The following RFC1 variants were observed in gnomAD, a reference collection of about 807,000 sequenced individuals.
RFC1 encodes A1 140 kDa subunit.
Under a neutral mutation model 137.4 loss-of-function variants are expected in RFC1, and 37 were observed. That is an observed-to-expected ratio of 0.27 (90% CI 0.21 to 0.35). RFC1 has a LOEUF of 0.35. Ranked by LOEUF, RFC1 falls within the 10% of genes least tolerant of loss-of-function variation. The probability of loss-of-function intolerance (pLI) is 1.00; values close to 1 mark genes in which losing one functional copy is unlikely to be tolerated. For missense variants in RFC1, 1,205 were observed against 1,358.5 expected (o/e 0.89, Z 1.78); for synonymous variants, 429 against 455.7 (o/e 0.94, Z 0.75).
At chr4:39,302,451 A>G in intron 18 of RFC1, 49 bp downstream of exon 18, 2 of 1,511,138 alleles carry the variant, frequency 1.3e-6, no homozygotes, top group Non-Finnish European at 1.8e-6. Context: ...GGTTGAAAGC[A>G]TTAGTTAAAA....
chr4:39,316,978 T>C lies in RFC1; in HGVS notation c.1140A>G (p.Gln380=). 1 of 1,614,140 alleles carries C rather than the reference T, an allele frequency of 6.2e-7. No homozygotes were observed. Among genetic ancestry groups the C allele is most frequent in the Non-Finnish European group, 8.5e-7 (1 of 1,179,988 alleles). ...EDSEKKRTNY[Q]AYRSYLNREG... ...CTCGATTTAAGTAGCTTCGATAAGC[T>C]TGATAATTAGTGCGTTTCTTTTCAG... Residue 380 remains glutamine (Q), a synonymous_variant, in exon 10 of 25, where the codon CAA becomes CAG. Transcript: ENST00000349703.
rs568046224 is a variant in RFC1, at chr4:39,299,552, GCAGTGAGCCAAGATCACGC to G, written c.2808+450_2808+468del. On this transcript the variant is annotated intron_variant, in intron 21 of 24. Coordinates refer to ENST00000349703, the MANE Select transcript of RFC1 (RefSeq NM_002913.5). Reference sequence around the variant, plus strand: ...GGCATGAACCCAGGAGGCGGAGCTTGCAGTGAGCCAAGATCACGCCACGGCACTCCAGCCTGGGCAACAC... The same window carrying G: ...GGCATGAACCCAGGAGGCGGAGCTTGCACGGCACTCCAGCCTGGGCAACAC... 5.4e-4 allele frequency among the ~76,000 whole-genome samples: 79 copies of G among 146,468 alleles called. No homozygotes were observed. In the South Asian group the frequency reaches 6.5e-3, roughly 12 times the overall value.
At chr4:39,349,486 A>G (rs1209739964) in intron 2 of RFC1, among the ~76,000 whole-genome samples, 1 of 152,150 alleles carries the variant, frequency 6.6e-6, no homozygotes, top group African/African-American at 2.4e-5. Context: ...CTCCACCCAT[A>G]TGCACTAAGA....
intron 4 of RFC1, among the ~76,000 whole-genome samples, chr4:39,328,616 T>C (rs1460499222): frequency 6.6e-6 from 1 of 152,142 alleles, no homozygotes; most frequent in African/African-American, 2.4e-5. Flanking sequence ...GAGTTCAATG[T>C]GGCTGCAGCA....
intron 7 of RFC1, chr4:39,321,611 C>T (rs774640642): frequency 2.4e-6 from 1 of 411,186 alleles, no homozygotes; most frequent in East Asian, 4.2e-5. Flanking sequence ...TAAAAATTAT[C>T]TCTCTTCATC....
chr4:39,344,083 C>T lies in RFC1; in HGVS notation c.208+1318G>A, dbSNP rs182374367. ...GACCCAAGATCATGCCATTGCACTC[C>T]AGCCTGGGTGACAGAGCAAAATTCC... On this transcript the variant is annotated intron_variant, in intron 3 of 24. Transcript: ENST00000349703. Among the ~76,000 whole-genome samples, 229 of 151,044 alleles carry T rather than the reference C, an allele frequency of 1.5e-3. 1 individual carries two copies. Among genetic ancestry groups the T allele is most frequent in the African/African-American group, 5.4e-3 (223 of 41,110 alleles).
chr4:39,330,474 CCCCT>C (rs1578144523), intron 4 of RFC1, among the ~76,000 whole-genome samples: 1 of 152,078 alleles, frequency 6.6e-6, no homozygotes, highest in Admixed American at 6.5e-5. Flanking sequence ...TTACAGCTCA[CCCCT>C]CCCTCCAAGG....
At chr4:39,345,614 A>C (rs1015022676) in intron 2 of RFC1, 138 bp from the exon 3 acceptor site, 8 of 594,432 alleles carry the variant, frequency 1.3e-5, no homozygotes, top group Non-Finnish European at 2.0e-5. Context: ...TCCGCCTCCC[A>C]GGTTCACGCC....
At chr4:39,327,079 T>A (rs1460049780) in intron 5 of RFC1, among the ~76,000 whole-genome samples, 2 of 152,224 alleles carry the variant, frequency 1.3e-5, no homozygotes, top group Non-Finnish European at 2.9e-5. Context: ...TTATCTGGTA[T>A]GTCTGTTTCC....
At chr4:39,352,159 T>C (rs1390258295) in intron 1 of RFC1, among the ~76,000 whole-genome samples, 4 of 152,106 alleles carry the variant, frequency 2.6e-5, no homozygotes, top group Non-Finnish European at 5.9e-5. Context: ...ATCCCAGGCA[T>C]AGCTGGGGAG....
intron 1 of RFC1, among the ~76,000 whole-genome samples, chr4:39,351,966 C>CAA (rs570668838): frequency 3.3e-3 from 191 of 57,786 alleles, no homozygotes; most frequent in African/African-American, 2.3e-3. Context: ...GACTCCGTCT[C>CAA]AAAAAAAAAA....
At chr4:39,288,969 A>G in intron 24 of RFC1, 125 bp from the exon 25 acceptor site, 1 of 696,142 alleles carries the variant, frequency 1.4e-6, no homozygotes. Flanking sequence ...GGCTGCAAAC[A>G]TCGAGATCTT....
Position 39,295,581 on chromosome 4 carries a change from A to T in RFC1, c.2954+33T>A, listed in dbSNP as rs772433840. 4.5e-6 allele frequency: 7 copies of T among 1,554,476 alleles called. No homozygotes were observed. In the East Asian group the frequency reaches 1.6e-4, roughly 36 times the overall value. ...GATAAAGGCCAAATACACCAAATCGATAAAATACCCGAAACAGAGTAATCC... is the reference window on the plus strand; with the variant it reads ...GATAAAGGCCAAATACACCAAATCGTTAAAATACCCGAAACAGAGTAATCC... On this transcript the variant is annotated intron_variant, in intron 22 of 24. Transcript: ENST00000349703.
intron 7 of RFC1, 83 bp from the exon 8 acceptor site, chr4:39,321,457 T>C: frequency 2.3e-6 from 3 of 1,280,922 alleles, no homozygotes; most frequent in Non-Finnish European, 3.3e-6. Context: ...TCCATCAAAA[T>C]TTTAAGGGTC....
chr4:39,289,999 T>A lies in RFC1; in HGVS notation c.3209A>T (p.His1070Leu). 6.2e-7 allele frequency: 1 copy of A among 1,613,904 alleles called. No individual in the cohort carries two copies. Among genetic ancestry groups the A allele is most frequent in the Non-Finnish European group, 8.5e-7 (1 of 1,179,856 alleles). Residue 1070 changes from histidine (H) to leucine (L), a missense_variant, in exon 24 of 25, where the codon CAC becomes CTC. This residue lies in a region of RFC1 where 237 missense variants were observed against 304.2 expected (regional missense o/e 0.78). Transcript: ENST00000349703. ...AGCTTGAAGTGAGTATGGAGTAAGG[T>A]GGGCTTCCTTATTGTAAGCTCTTGT... ...AFTRAYNKEA[H>L]LTPYSLQAIK...
intron 1 of RFC1, among the ~76,000 whole-genome samples, chr4:39,354,586 A>G (rs1578171482): frequency 1.3e-5 from 2 of 152,198 alleles, no homozygotes; most frequent in Middle Eastern, 6.8e-3. Flanking sequence ...AGAAAGGCAG[A>G]TTTTACTACA....
rs145841369 is a variant in RFC1, at chr4:39,291,654, T to C, written c.3153A>G (p.Ser1051=). The change falls in exon 23 of 25, where the codon TCA becomes TCG. Residue 1051 remains serine (S), a synonymous_variant. Transcript: ENST00000349703. Reference sequence around the variant, plus strand: ...CATGATTTACCTTGGGATCCAGCTTTGAAAAGGGACTAGGTTTGCCACCCC... The same window carrying C: ...CATGATTTACCTTGGGATCCAGCTTCGAAAAGGGACTAGGTTTGCCACCCC... ...SSWGGKPSPF[S]KLDPKVKAAF... is the part of the protein sequence containing the mutation. 4 of 1,613,422 alleles carry C rather than the reference T, an allele frequency of 2.5e-6. No homozygotes were observed. In the African/African-American group the frequency reaches 5.3e-5, roughly 22 times the overall value.
At chr4:39,361,361 C>A (rs968829533) in intron 1 of RFC1, among the ~76,000 whole-genome samples, 1 of 152,148 alleles carries the variant, frequency 6.6e-6, no homozygotes, top group Non-Finnish European at 1.5e-5. Context: ...CACACTCCAG[C>A]CTGGGTAACA....
chr4:39,289,037 A>C (rs1259229697), intron 24 of RFC1, among the ~76,000 whole-genome samples, 193 bp from the exon 25 acceptor site: 1 of 152,228 alleles, frequency 6.6e-6, no homozygotes, highest in Non-Finnish European at 1.5e-5. Flanking sequence ...ACAGCCTTTA[A>C]AAGCTGGCAG....
Sources: gnomAD v4.1 joint callset for allele counts (sites outside exome capture counted in the v4.1 genomes callset) on GRCh38, gnomAD v4.1.1 for gene constraint, gnomAD v4.1.1 regional missense constraint, MANE v1.5 for transcripts, NCBI Gene and HGNC (gene_info 2026-07-23, HGNC 2026-07-21) for gene names.